MAPK10: variants seen among roughly 807,000 people sequenced by gnomAD.
MAPK10 encodes the protein mitogen-activated protein kinase 10.
MAPK10 carries 25 observed loss-of-function variants against 59.3 expected under a neutral mutation model. The observed-to-expected ratio is 0.42, with a 90% confidence interval of 0.31 to 0.59. The LOEUF (loss-of-function observed/expected upper bound fraction) is 0.59. Among genes scored for constraint, MAPK10 ranks in the 20% least tolerant of loss-of-function variants. The pLI is 0.15. For missense variants in MAPK10, 351 were observed against 568.9 expected (o/e 0.62, Z 3.90); for synonymous variants, 190 against 200.5 (o/e 0.95, Z 0.44).
chr4:86,146,764 T>C (rs542870179), intron 4 of MAPK10, among the ~76,000 whole-genome samples: 1 of 152,358 alleles, frequency 6.6e-6, no homozygotes, highest in East Asian at 1.9e-4. Context: ...ACTTCTATTA[T>C]GTTTGAGCTT....
At chr4:86,258,262 C>A (rs569449308) in intron 2 of MAPK10, among the ~76,000 whole-genome samples, 1 of 152,274 alleles carries the variant, frequency 6.6e-6, no homozygotes, top group Non-Finnish European at 1.5e-5. Context: ...CTCCCCATCA[C>A]TAGATTGTGT....
intron 7 of MAPK10, 116 bp downstream of exon 7, chr4:86,101,777 CA>C (rs1271676198): frequency 1.8e-5 from 18 of 1,001,766 alleles, no homozygotes; most frequent in Non-Finnish European, 2.4e-5. Context: ...ATTCTAGTAT[CA>C]AAGAAATGAG....
chr4:86,304,522 A>C (rs1035986887), intron 2 of MAPK10, among the ~76,000 whole-genome samples: 7 of 148,406 alleles, frequency 4.7e-5, no homozygotes, highest in South Asian at 2.1e-4. Context: ...CCTCCCGAGT[A>C]GCTGGGACTA....
chr4:86,111,122 T>G (rs1361573557), intron 4 of MAPK10, among the ~76,000 whole-genome samples: 1 of 152,194 alleles, frequency 6.6e-6, no homozygotes, highest in Admixed American at 6.5e-5. Flanking sequence ...AAGGAGCTTT[T>G]GGGCTGAGAT....
Position 86,017,509 on chromosome 4 carries a change from T to C in MAPK10, c.1253-139A>G. On this transcript the variant is annotated intron_variant, in intron 13 of 13. Coordinates refer to ENST00000641462, the MANE Select transcript of MAPK10 (RefSeq NM_138982.4). This position sits in a 1 kb window ranked among gnomAD's most constrained non-coding sequence, Gnocchi z 4.4. ...ATTTGGCAAGCCTTTATAGAGCAGCTGACATAGGGGAGCATATCAAATGGT... is the reference window on the plus strand; with the variant it reads ...ATTTGGCAAGCCTTTATAGAGCAGCCGACATAGGGGAGCATATCAAATGGT... 1.2e-6 allele frequency: 1 copy of C among 836,956 alleles called. No individual in the cohort carries two copies. The highest frequency in any genetic ancestry group is 1.7e-5 in the South Asian group (1 of 57,430). The allele number at this position is 836,956 out of a possible 1,614,324, so 51.8% of individuals were successfully genotyped here. A position where few individuals can be genotyped will look rare whatever the true frequency, so the allele number is the denominator to read the frequency against.
rs2047034230 is a variant in MAPK10 at position 86,067,791 on chromosome 4, C to G, written c.967G>C (p.Glu323Gln). The stretch of plus-strand genomic sequence containing the variant: ...GGCATACCTTTGAGTTTATTGTGCT[C>G]GGAGTCCGCTGGGAAGAGGGAATCT... ...FPDSLFPADS[E>Q]HNKLKASQAR... Residue 323 changes from glutamate to glutamine, a missense_variant, in exon 10 of 14, where the codon GAG (glutamate) becomes CAG (glutamine). Transcript: ENST00000641462. 1.2e-6 allele frequency: 2 copies of G among 1,611,558 alleles called. No homozygotes were observed. The highest frequency in any genetic ancestry group is 1.1e-5 in the South Asian group (1 of 90,632).
chr4:86,552,324 G>C (rs1388569464), intron 1 of MAPK10, among the ~76,000 whole-genome samples: 2 of 151,838 alleles, frequency 1.3e-5, no homozygotes, highest in African/African-American at 4.8e-5. Context: ...AGGAGGCTAA[G>C]GTGGGAGGAC....
At chr4:86,064,117 A>G (rs2046269415) in intron 11 of MAPK10, 149 bp downstream of exon 11, 2 of 908,014 alleles carry the variant, frequency 2.2e-6, no homozygotes, top group South Asian at 3.7e-5. Flanking sequence ...GTTGAAGAAA[A>G]TAGCTTTTAG....
intron 1 of MAPK10, among the ~76,000 whole-genome samples, chr4:86,505,107 AC>A (rs895689846): frequency 5.9e-5 from 9 of 152,238 alleles, no homozygotes; most frequent in African/African-American, 1.9e-4. Flanking sequence ...TTTTGGTTCA[AC>A]CTTCACCTGT....
intron 4 of MAPK10, among the ~76,000 whole-genome samples, chr4:86,149,251 T>C (rs1453566918): frequency 6.6e-6 from 1 of 152,062 alleles, no homozygotes; most frequent in African/African-American, 2.4e-5. Flanking sequence ...TGGCTTTGGA[T>C]TGGATTTTAT....
chr4:86,330,540 C>T lies in MAPK10; in HGVS notation c.-7+23990G>A, dbSNP rs181886669. Among the ~76,000 whole-genome samples the T allele has an allele frequency of 3.3e-5, 5 of 152,180 alleles. No homozygotes were observed. In the East Asian group the frequency reaches 9.7e-4, roughly 29 times the overall value. On this transcript the variant is annotated intron_variant, in intron 2 of 13. Coordinates refer to ENST00000641462, the MANE Select transcript of MAPK10 (RefSeq NM_138982.4). ...GGGCGGTTACCCCCATGCTGCTGTTCTCATGATGGTGAGTGAGTTCTCAGG... is the reference window on the plus strand; with the variant it reads ...GGGCGGTTACCCCCATGCTGCTGTTTTCATGATGGTGAGTGAGTTCTCAGG...
At chr4:86,308,815 A>C (rs989542989) in intron 2 of MAPK10, 1 of 152,186 alleles carries the variant, frequency 6.6e-6, no homozygotes, top group Non-Finnish European at 1.5e-5. Context: ...TTTCTGCTAA[A>C]TTTGTTAATA....
intron 2 of MAPK10, among the ~76,000 whole-genome samples, chr4:86,347,671 G>A (rs1318012345): frequency 1.3e-5 from 2 of 152,110 alleles, no homozygotes; most frequent in Non-Finnish European, 2.9e-5. Context: ...TAGATCCGGT[G>A]TCTGTTGAGG....
chr4:86,020,429 A>C (rs929020899), intron 13 of MAPK10: 1 of 152,294 alleles, frequency 6.6e-6, no homozygotes, highest in Non-Finnish European at 1.5e-5. Flanking sequence ...ACATGTGTTC[A>C]TTTCTCTTGG....
chr4:86,425,586 T>G (rs1430720314), intron 1 of MAPK10, among the ~76,000 whole-genome samples: 1 of 152,216 alleles, frequency 6.6e-6, no homozygotes, highest in Non-Finnish European at 1.5e-5. Flanking sequence ...ATGGATTCTC[T>G]TCTCCATTTG....
chr4:86,538,380 A>G (rs1370262373), intron 1 of MAPK10, among the ~76,000 whole-genome samples: 1 of 152,152 alleles, frequency 6.6e-6, no homozygotes, highest in Non-Finnish European at 1.5e-5. Context: ...TCCTGACCTC[A>G]GGTGATCCGC....
At chr4:86,107,607 G>C in intron 4 of MAPK10, 1 of 1,093,386 alleles carries the variant, frequency 9.1e-7, no homozygotes, top group Non-Finnish European at 1.1e-6. Flanking sequence ...GAGTAGAAGA[G>C]GGCAAAGGAG....
chr4:86,299,508 C>T (rs1481101536), intron 2 of MAPK10, among the ~76,000 whole-genome samples: 1 of 152,136 alleles, frequency 6.6e-6, no homozygotes, highest in Non-Finnish European at 1.5e-5. Flanking sequence ...GAAACGAGAC[C>T]GCACCAGAGG....
Position 86,319,723 on chromosome 4 carries a change from T to C in MAPK10, c.-7+34807A>G, listed in dbSNP as rs527256493. 3.3e-5 allele frequency among the ~76,000 whole-genome samples: 5 copies of C among 152,280 alleles called. No homozygotes were observed. In the South Asian group the frequency reaches 1.0e-3, roughly 32 times the overall value. On this transcript the variant is annotated intron_variant, in intron 2 of 13. Transcript: ENST00000641462. ...GCCCTTGAACAAGCCCATTCTGAAG[T>C]ACTAGAAGAGTTAATGTCCCCAGGG...
Sources: gnomAD v4.1 joint callset for allele counts (sites outside exome capture counted in the v4.1 genomes callset) on GRCh38, gnomAD v4.1.1 for gene constraint, Gnocchi (gnomAD v3.1) non-coding constraint, MANE v1.5 for transcripts, NCBI Gene and HGNC (gene_info 2026-07-23, HGNC 2026-07-21) for gene names.